LIN28B: variants seen among roughly 807,000 people sequenced by gnomAD.
LIN28B encodes the protein lin-28 RNA binding posttranscriptional regulator B, also known as protein lin-28 homolog B.
LIN28B carries 5 observed loss-of-function variants against 21.9 expected under a neutral mutation model. The ratio of observed to expected loss-of-function variants is 0.23; its 90% CI spans 0.12 to 0.48. The LOEUF is 0.48. Ranked by LOEUF, LIN28B falls within the 20% of genes least tolerant of loss-of-function variation. The pLI is 0.98. For missense variants in LIN28B, 245 were observed against 310.5 expected (o/e 0.79, Z 1.58); for synonymous variants, 109 against 111.3 (o/e 0.98, Z 0.13).
chr6:104,986,802 A>T (rs1474208001), intron 2 of LIN28B, among the ~76,000 whole-genome samples: 1 of 152,200 alleles, frequency 6.6e-6, no homozygotes, highest in Non-Finnish European at 1.5e-5. Context: ...AACCAGTTTT[A>T]CCTTTAGGTT....
intron 2 of LIN28B, among the ~76,000 whole-genome samples, chr6:104,975,655 T>C (rs944007638): frequency 6.6e-6 from 1 of 151,976 alleles, no homozygotes; most frequent in Non-Finnish European, 1.5e-5. Flanking sequence ...GCTTTTTTTT[T>C]CTTTTTTTTT....
rs554884606 is a variant in LIN28B at position 104,992,816 on chromosome 6, A to T, written c.199-33482A>T. Among the ~76,000 whole-genome samples the T allele has an allele frequency of 1.2e-4, 18 of 152,244 alleles. No individual in the cohort carries two copies. In the South Asian group the frequency reaches 3.7e-3, roughly 32 times the overall value. ...TGAGCCATTGTGTCTGGCCTGATCA[A>T]GTATTTTTTACTACTCTTTCTTCTC... On this transcript the variant is annotated intron_variant, in intron 2 of 3. Transcript: ENST00000345080.
At chr6:104,942,346 A>G (rs62419605) in intron 2 of LIN28B, among the ~76,000 whole-genome samples, 3,688 of 152,250 alleles carry the variant, frequency 0.024, 52 homozygotes, top group Middle Eastern at 0.054. Context: ...GGTTATTACC[A>G]TATTTACTTA....
intron 3 of LIN28B, among the ~76,000 whole-genome samples, chr6:105,027,340 A>G (rs893277179): frequency 6.6e-6 from 1 of 152,130 alleles, no homozygotes; most frequent in African/African-American, 2.4e-5. Context: ...TTCCAGTTAC[A>G]TAGGTTAGAG....
intron 3 of LIN28B, among the ~76,000 whole-genome samples, chr6:105,053,767 T>C (rs925237139): frequency 1.3e-5 from 2 of 151,162 alleles, no homozygotes; most frequent in Non-Finnish European, 2.9e-5. Flanking sequence ...TGTTTCACTC[T>C]TGTAGCCCAG....
intron 3 of LIN28B, chr6:104,950,525 T>C: frequency 8.2e-7 from 1 of 1,215,356 alleles, no homozygotes; most frequent in Non-Finnish European, 1.0e-6. Context: ...TCTTTTTTTT[T>C]TTTTTTAAAT....
chr6:104,953,586 A>G (rs946573316), upstream of LIN28B, among the ~76,000 whole-genome samples: 1 of 152,190 alleles, frequency 6.6e-6, no homozygotes, highest in Non-Finnish European at 1.5e-5. Flanking sequence ...GATCTACCCC[A>G]CTTAGGGAGA....
At chr6:104,960,667 AAAC>A (rs1265964207) in intron 2 of LIN28B, among the ~76,000 whole-genome samples, 1 of 152,094 alleles carries the variant, frequency 6.6e-6, no homozygotes, top group African/African-American at 2.4e-5. Flanking sequence ...GAGAAATAAA[AAAC>A]AAATTATTTG....
chr6:104,947,309 G>A (rs1778167807), intron 2 of LIN28B, among the ~76,000 whole-genome samples: 1 of 152,100 alleles, frequency 6.6e-6, no homozygotes, highest in Non-Finnish European at 1.5e-5. Context: ...ATTTTTAGTA[G>A]AGATGGGCTT....
At chr6:105,004,337 C>G (rs970325499) in intron 2 of LIN28B, among the ~76,000 whole-genome samples, 1 of 152,148 alleles carries the variant, frequency 6.6e-6, no homozygotes, top group African/African-American at 2.4e-5. Flanking sequence ...ACTATCACAG[C>G]TAAGAAGGAA....
chr6:104,987,510 A>C (rs1193814264), intron 2 of LIN28B, among the ~76,000 whole-genome samples: 1 of 151,830 alleles, frequency 6.6e-6, no homozygotes, highest in African/African-American at 2.4e-5. Context: ...TGCCCAGCCA[A>C]ATTTTTTTAT....
chr6:104,959,367 T>C (rs998553030), intron 2 of LIN28B, among the ~76,000 whole-genome samples: 1 of 152,218 alleles, frequency 6.6e-6, no homozygotes, highest in Non-Finnish European at 1.5e-5. Flanking sequence ...ATTTGGTATA[T>C]TTGCTTGAAA....
chr6:104,983,703 A>G (rs974223884), intron 2 of LIN28B, among the ~76,000 whole-genome samples: 25 of 152,058 alleles, frequency 1.6e-4, no homozygotes, highest in African/African-American at 5.8e-4. Context: ...CAGCCTCCCA[A>G]GTTGCTGGGA....
At position 104,984,135 on chromosome 6, in the gene LIN28B, G is replaced by A. The variant is rs941356112; in HGVS notation, c.198+25849G>A. Among the ~76,000 whole-genome samples the A allele has an allele frequency of 5.9e-5, 9 of 152,160 alleles. No homozygotes were observed. The South Asian group carries it at 1.2e-3, about 21-fold the overall frequency. On this transcript the variant is annotated intron_variant, in intron 2 of 3. Transcript: ENST00000345080. ...TTTTATTCTACAAGTAGAAAGAAAA[G>A]TGAGTTAGATATATAAGAGCTTTCT...
chr6:105,080,767 C>T lies in LIN28B; in HGVS notation c.*1984C>T, dbSNP rs1462262700. 2 of 152,548 alleles carry T rather than the reference C, an allele frequency of 1.3e-5. No homozygotes were observed. The highest frequency in any genetic ancestry group is 2.9e-5 in the Non-Finnish European group (2 of 68,028). The allele number at this position is 152,548 out of a possible 1,614,324, so 9.4% of individuals were successfully genotyped here. A position where few individuals can be genotyped will look rare whatever the true frequency, so the allele number is the denominator to read the frequency against. On this transcript the variant is annotated 3_prime_UTR_variant, in exon 4 of 4. Transcript: ENST00000345080. ...ACAGTAAAATGCAAAACATGATAAG[C>T]GTTGCTCAATTTTTAGCAGGTATAA...
At position 104,966,619 on chromosome 6, in the gene LIN28B, ATT is replaced by A. The variant is rs538140992; in HGVS notation, c.198+8352_198+8353del. ...AGGTGTGCATCACCATGCCCGGCTGATTTTTTTTTTTTTTTTTTTTGAGACAG... is the reference window on the plus strand; with the variant it reads ...AGGTGTGCATCACCATGCCCGGCTGATTTTTTTTTTTTTTTTTTGAGACAG... On this transcript the variant is annotated intron_variant, in intron 2 of 3. Transcript: ENST00000345080. Among the ~76,000 whole-genome samples, 106 of 122,744 alleles carry A rather than the reference ATT, an allele frequency of 8.6e-4. 1 individual carries two copies. Among genetic ancestry groups the A allele is most frequent in the Middle Eastern group, 4.0e-3 (1 of 250 alleles). The allele number at this position is 122,744 out of a possible 152,430, so 80.5% of individuals were successfully genotyped here. A position where few individuals can be genotyped will look rare whatever the true frequency, so the allele number is the denominator to read the frequency against.
chr6:104,978,708 A>G (rs556470141), intron 2 of LIN28B, among the ~76,000 whole-genome samples: 50 of 152,306 alleles, frequency 3.3e-4, no homozygotes, highest in African/African-American at 1.1e-3. Context: ...AATTTAATGG[A>G]ATAAAAGACA....
chr6:105,022,389 T>C (rs971682628), intron 2 of LIN28B, among the ~76,000 whole-genome samples: 18 of 152,200 alleles, frequency 1.2e-4, no homozygotes, highest in African/African-American at 3.6e-4. Context: ...GATTCAAAAA[T>C]TCAGGGGAAA....
intron 3 of LIN28B, among the ~76,000 whole-genome samples, chr6:105,073,035 C>T (rs953135075): frequency 6.6e-6 from 1 of 152,062 alleles, no homozygotes; most frequent in Non-Finnish European, 1.5e-5. Flanking sequence ...ACAGGGTAGG[C>T]AGATTGCTTC....
Sources: allele counts gnomAD v4.1 joint callset (sites outside exome capture counted in the v4.1 genomes callset), GRCh38; gene constraint gnomAD v4.1.1; transcripts MANE v1.5; gene names NCBI Gene and HGNC (gene_info 2026-07-23, HGNC 2026-07-21).